The following KCNJ3 variants were observed in gnomAD, a reference collection of about 807,000 sequenced individuals.
KCNJ3 encodes the protein potassium inwardly rectifying channel subfamily J member 3, also known as G protein-activated inward rectifier potassium channel 1.
In KCNJ3, 4 loss-of-function variants were observed where a neutral mutation model predicts 39.2. That is an observed-to-expected ratio of 0.10 (90% CI 0.05 to 0.23). The LOEUF is 0.23. Among genes scored for constraint, KCNJ3 ranks in the 10% least tolerant of loss-of-function variants. The pLI, the probability that KCNJ3 is intolerant of heterozygous loss-of-function variation, is 1.00. For synonymous variants in KCNJ3, 230 were observed against 237.4 expected (o/e 0.97, Z 0.29); for missense variants, 276 against 634.9 (o/e 0.43, Z 6.08).
At chr2:154,742,703 CA>C (rs1337255694) in intron 2 of KCNJ3, among the ~76,000 whole-genome samples, 1 of 151,714 alleles carries the variant, frequency 6.6e-6, no homozygotes, top group Non-Finnish European at 1.5e-5. Flanking sequence ...GTTCTTTGCT[CA>C]TGTTTGAATT....
intron 2 of KCNJ3, among the ~76,000 whole-genome samples, chr2:154,742,955 G>A (rs1685677132): frequency 6.6e-6 from 1 of 151,760 alleles, no homozygotes; most frequent in Non-Finnish European, 1.5e-5. Flanking sequence ...AATCAATGTT[G>A]TAAGCTATTG....
chr2:154,774,391 A>G (rs56158408), intron 2 of KCNJ3, among the ~76,000 whole-genome samples: 4 of 151,438 alleles, frequency 2.6e-5, no homozygotes, highest in Admixed American at 2.6e-4. Context: ...CATTGCTTCA[A>G]GTGTTTTAAT....
chr2:154,791,517 C>A (rs1686634381), intron 2 of KCNJ3, among the ~76,000 whole-genome samples: 3 of 151,922 alleles, frequency 2.0e-5, no homozygotes, highest in Admixed American at 1.3e-4. Context: ...TAGTGGATGG[C>A]AAGGCCAGAT....
chr2:154,764,622 C>T, intron 2 of KCNJ3, among the ~76,000 whole-genome samples: 1 of 152,078 alleles, frequency 6.6e-6, no homozygotes, highest in Non-Finnish European at 1.5e-5. Flanking sequence ...AATCTTTTGG[C>T]TTCCCTGGGC....
intron 2 of KCNJ3, among the ~76,000 whole-genome samples, chr2:154,841,903 T>G (rs1177482392): frequency 6.6e-6 from 1 of 152,056 alleles, no homozygotes; most frequent in Admixed American, 6.6e-5. Context: ...GATTCATTGA[T>G]TTTTTTGAAG....
intron 2 of KCNJ3, among the ~76,000 whole-genome samples, chr2:154,729,676 T>C (rs889728246): frequency 6.6e-6 from 1 of 152,170 alleles, no homozygotes; most frequent in Admixed American, 6.6e-5. Flanking sequence ...TGACTTATCA[T>C]CATCAATGAG....
chr2:154,710,902 G>T (rs978940956), intron 2 of KCNJ3, among the ~76,000 whole-genome samples: 2 of 152,072 alleles, frequency 1.3e-5, no homozygotes, highest in African/African-American at 4.8e-5. Context: ...TAGCATGTCT[G>T]TCACATAACA....
intron 2 of KCNJ3, among the ~76,000 whole-genome samples, chr2:154,831,916 G>T (rs917478887): frequency 2.0e-5 from 3 of 152,268 alleles, no homozygotes; most frequent in Admixed American, 6.5e-5. Context: ...AGAAGCATTT[G>T]CTTCTGGTGA....
intron 2 of KCNJ3, among the ~76,000 whole-genome samples, chr2:154,751,732 A>C (rs899388766): frequency 6.6e-5 from 10 of 152,082 alleles, no homozygotes; most frequent in Non-Finnish European, 1.2e-4. Flanking sequence ...GTTTTTTGAC[A>C]CTTCTGGAGG....
chr2:154,761,683 G>C (rs1455984741), intron 2 of KCNJ3, among the ~76,000 whole-genome samples: 1 of 152,106 alleles, frequency 6.6e-6, no homozygotes, highest in Non-Finnish European at 1.5e-5. Context: ...ACTTTAAAGG[G>C]AATAATTTAA....
intron 2 of KCNJ3, among the ~76,000 whole-genome samples, chr2:154,798,580 C>G (rs889825854): frequency 1.8e-4 from 27 of 152,028 alleles, no homozygotes. Context: ...TGGGATATAT[C>G]GGGATATATC....
chr2:154,809,718 A>G (rs1341603079), intron 2 of KCNJ3, among the ~76,000 whole-genome samples: 1 of 152,200 alleles, frequency 6.6e-6, no homozygotes, highest in Non-Finnish European at 1.5e-5. Context: ...GAGCAATAAC[A>G]TACTTTGCAA....
chr2:154,760,278 A>G (rs983986714), intron 2 of KCNJ3, among the ~76,000 whole-genome samples: 3 of 152,136 alleles, frequency 2.0e-5, no homozygotes, highest in Non-Finnish European at 2.9e-5. Flanking sequence ...TCATTTGATT[A>G]TCTTCTGAAT....
At chr2:154,838,001 A>C (rs1256634039) in intron 2 of KCNJ3, among the ~76,000 whole-genome samples, 1 of 152,238 alleles carries the variant, frequency 6.6e-6, no homozygotes, top group Non-Finnish European at 1.5e-5. Flanking sequence ...TAAATGTTAA[A>C]TATTATTACT....
chr2:154,771,419 G>A (rs144324265), intron 2 of KCNJ3, among the ~76,000 whole-genome samples: 18 of 152,320 alleles, frequency 1.2e-4, no homozygotes, highest in Non-Finnish European at 2.2e-4. Context: ...CATGAAAGTA[G>A]TAGATGAAAA....
At chr2:154,797,000 A>G (rs1686731272) in intron 2 of KCNJ3, among the ~76,000 whole-genome samples, 1 of 152,150 alleles carries the variant, frequency 6.6e-6, no homozygotes, top group Non-Finnish European at 1.5e-5. Context: ...CCTATTGAGC[A>G]ATGTCTAGCG....
intron 2 of KCNJ3, 21 bp from the exon 3 acceptor site, chr2:154,854,706 G>GA (rs771965716): frequency 6.3e-7 from 1 of 1,575,756 alleles, no homozygotes; most frequent in Admixed American, 1.7e-5. Flanking sequence ...AATTTATCAA[G>GA]AATTTTCTCT....
chr2:154,784,556 T>C (rs938172541), intron 2 of KCNJ3, among the ~76,000 whole-genome samples: 3 of 152,140 alleles, frequency 2.0e-5, no homozygotes, highest in African/African-American at 7.2e-5. Flanking sequence ...CTAATTTTTA[T>C]ATTTTTAGTA....
chr2:154,776,337 A>G (rs1686334830), intron 2 of KCNJ3, among the ~76,000 whole-genome samples: 1 of 152,018 alleles, frequency 6.6e-6, no homozygotes, highest in African/African-American at 2.4e-5. Context: ...CCACTGCCTC[A>G]CAGTTCCCTT....
Sources: allele counts gnomAD v4.1 joint callset (sites outside exome capture counted in the v4.1 genomes callset), GRCh38; gene constraint gnomAD v4.1.1; transcripts MANE v1.5; gene names NCBI Gene and HGNC (gene_info 2026-07-23, HGNC 2026-07-21).